Variants in YARS1 observed in about 807,000 individuals in gnomAD.
The protein encoded by YARS1 is tyrosine--tRNA ligase, cytoplasmic.
YARS1 carries 36 observed loss-of-function variants against 62.2 expected under a neutral mutation model. The ratio of observed to expected loss-of-function variants is 0.58; its 90% CI spans 0.44 to 0.76. The LOEUF (loss-of-function observed/expected upper bound fraction) is 0.76, where lower values mean the gene tolerates loss of function less well. YARS1 is among the 30% of genes least tolerant of loss of function. YARS1 has a pLI of 0.00. For missense variants in YARS1, 524 were observed against 639.8 expected (o/e 0.82, Z 1.95); for synonymous variants, 234 against 244.9 (o/e 0.96, Z 0.42).
chr1:32,796,536 A>C (rs1653589527), intron 5 of YARS1, among the ~76,000 whole-genome samples: 1 of 151,454 alleles, frequency 6.6e-6, no homozygotes, highest in Admixed American at 6.6e-5. Context: ...CTAATTTTTT[A>C]TTTTATTGTG....
rs59076866 is a variant in YARS1, at chr1:32,813,201, C to G, written c.58-2144G>C. 7.2e-4 allele frequency among the ~76,000 whole-genome samples: 110 copies of G among 152,260 alleles called. 1 individual carries two copies. The East Asian group carries it at 0.019, about 27-fold the overall frequency. ...TTCTGTCTCCCCAAAATGTATAAAA[C>G]GAAGCTGTAACCCAACCACCTTGGA... On this transcript the variant is annotated intron_variant, in intron 1 of 12. Coordinates refer to ENST00000373477, the MANE Select transcript of YARS1 (RefSeq NM_003680.4).
intron 7 of YARS1, 82 bp from the exon 8 acceptor site, chr1:32,786,529 A>G: frequency 9.3e-7 from 1 of 1,073,088 alleles, no homozygotes; most frequent in Non-Finnish European, 1.4e-6. Context: ...GCCCACATGC[A>G]TGACTATTTG....
At chr1:32,810,563 C>G (rs1334870579) in intron 3 of YARS1, 28 bp downstream of exon 3, 4 of 1,612,290 alleles carry the variant, frequency 2.5e-6, no homozygotes, top group South Asian at 1.1e-5. Flanking sequence ...ACCAGAGCCA[C>G]AAGGAGGGTG....
chr1:32,784,095 C>G (rs1465386840), intron 8 of YARS1, among the ~76,000 whole-genome samples: 1 of 151,660 alleles, frequency 6.6e-6, no homozygotes, highest in Non-Finnish European at 1.5e-5. Flanking sequence ...GCTTTGATCT[C>G]CTGGGCTCAA....
chr1:32,781,052 T>TCCACAGTGATGATTTTCC lies in YARS1; in HGVS notation c.1118_1135dup (p.Gly373_Val378dup), dbSNP rs1557446288. 1.2e-6 allele frequency: 2 copies of TCCACAGTGATGATTTTCC among 1,613,946 alleles called. No individual in the cohort carries two copies. Among genetic ancestry groups the TCCACAGTGATGATTTTCC allele is most frequent in the Non-Finnish European group, 1.7e-6 (2 of 1,179,922 alleles). ...GATGTGGTGAAAAATGAGTACCTTC[T>TCCACAGTGATGATTTTCC]CCACAGTGATGATTTTCCCCACACG... On this transcript the variant is annotated inframe_insertion, in exon 10 of 13. Coordinates refer to ENST00000373477, the MANE Select transcript of YARS1 (RefSeq NM_003680.4).
At chr1:32,792,274 C>T (rs1028645761) in intron 5 of YARS1, among the ~76,000 whole-genome samples, 1 of 152,162 alleles carries the variant, frequency 6.6e-6, no homozygotes, top group Non-Finnish European at 1.5e-5. Flanking sequence ...AAAGGCCATG[C>T]TCTAGGAACA....
chr1:32,808,836 C>A (rs1185775959), intron 3 of YARS1, among the ~76,000 whole-genome samples: 2 of 152,190 alleles, frequency 1.3e-5, no homozygotes, highest in African/African-American at 4.8e-5. Context: ...TTTCAGCTAT[C>A]GCCATCTGAT....
intron 3 of YARS1, among the ~76,000 whole-genome samples, chr1:32,809,223 A>AT (rs1442647061): frequency 6.6e-6 from 1 of 152,028 alleles, no homozygotes. Flanking sequence ...AGTAGCCGTG[A>AT]TTACAGGTGT....
chr1:32,779,854 G>T, intron 11 of YARS1: 2 of 631,346 alleles, frequency 3.2e-6, no homozygotes, highest in Non-Finnish European at 5.6e-6. Flanking sequence ...ACTTGGGTAT[G>T]TACTGGTTTG....
At chr1:32,781,213 C>A (rs767245246) in intron 9 of YARS1, 68 bp from the exon 10 acceptor site, 1 of 1,212,150 alleles carries the variant, frequency 8.2e-7, no homozygotes, top group Admixed American at 1.7e-5. Flanking sequence ...GATCCCACCA[C>A]GTTAAGACAC....
rs907799044 is a variant in YARS1 at position 32,782,806 on chromosome 1, T to G, written c.907-267A>C. On this transcript the variant is annotated intron_variant, in intron 8 of 12. Coordinates refer to ENST00000373477, the MANE Select transcript of YARS1 (RefSeq NM_003680.4). ...TAGTCTAATTCTTCTAGTCCCTCCA[T>G]TTATGCTTAGAGTAGGGTCACAGAC... 6.3e-6 allele frequency: 3 copies of G among 472,940 alleles called. No homozygotes were observed. In the Admixed American group the frequency reaches 1.0e-4, roughly 16 times the overall value. The allele number at this position is 472,940 out of a possible 1,614,324, so 29.3% of individuals were successfully genotyped here.
chr1:32,790,942 T>G, intron 6 of YARS1: 1 of 550,880 alleles, frequency 1.8e-6, no homozygotes, highest in Non-Finnish European at 3.3e-6. Context: ...GCTTTTATTT[T>G]TTTATCAGCA....
chr1:32,789,298 T>C (rs1345596353), intron 6 of YARS1, among the ~76,000 whole-genome samples: 2 of 152,200 alleles, frequency 1.3e-5, no homozygotes, highest in African/African-American at 2.4e-5. Context: ...ATGCCGAAAA[T>C]TGCTAGGTTC....
At chr1:32,780,003 T>C (rs1652998413) in intron 11 of YARS1, 82 bp downstream of exon 11, 2 of 1,509,936 alleles carry the variant, frequency 1.3e-6, no homozygotes, top group African/African-American at 2.7e-5. Flanking sequence ...CCACCTGGTG[T>C]GTGGAAGGAC....
At chr1:32,810,467 A>G in intron 3 of YARS1, 124 bp downstream of exon 3, 1 of 1,286,076 alleles carries the variant, frequency 7.8e-7, no homozygotes. Context: ...AAAGTTTTAA[A>G]TGGTTCTTAA....
intron 5 of YARS1, among the ~76,000 whole-genome samples, chr1:32,792,340 A>G (rs146641678): frequency 6.6e-6 from 1 of 152,372 alleles, no homozygotes; most frequent in East Asian, 1.9e-4. Flanking sequence ...AACAAAGCCT[A>G]AAACCAACCC....
chr1:32,796,051 T>C (rs1347564719), intron 5 of YARS1, among the ~76,000 whole-genome samples: 1 of 152,044 alleles, frequency 6.6e-6, no homozygotes, highest in Non-Finnish European at 1.5e-5. Context: ...TCCCAGTACT[T>C]TGACAGGCTG....
chr1:32,789,729 C>G (rs975509351), intron 6 of YARS1, among the ~76,000 whole-genome samples: 1 of 151,614 alleles, frequency 6.6e-6, no homozygotes, highest in Non-Finnish European at 1.5e-5. Context: ...GCTGGGATTA[C>G]AGGTGCATGC....
chr1:32,780,062 C>T (rs1028633163), intron 11 of YARS1, 23 bp downstream of exon 11: 3 of 1,613,792 alleles, frequency 1.9e-6, no homozygotes, highest in East Asian at 2.2e-5. Flanking sequence ...AGGTCCTGTG[C>T]CCCACTCCAA....
Sources: allele counts gnomAD v4.1 joint callset (sites outside exome capture counted in the v4.1 genomes callset), GRCh38; gene constraint gnomAD v4.1.1; transcripts MANE v1.5; gene names NCBI Gene and HGNC (gene_info 2026-07-23, HGNC 2026-07-21).